SLC6A7: variants seen among roughly 807,000 people sequenced by gnomAD.
SLC6A7 encodes the protein sodium-dependent proline transporter.
In SLC6A7, 58 loss-of-function variants were observed where a neutral mutation model predicts 73.1. The ratio of observed to expected loss-of-function variants is 0.79; its 90% CI spans 0.64 to 0.99. The LOEUF (loss-of-function observed/expected upper bound fraction) is 0.99, where lower values mean the gene tolerates loss of function less well. Among genes scored for constraint, SLC6A7 ranks in the 50% least tolerant of loss-of-function variants. The pLI is 0.00. For missense variants in SLC6A7, 783 were observed against 831.4 expected (o/e 0.94, Z 0.72); for synonymous variants, 338 against 338.7 (o/e 1.00, Z 0.02).
At chr5:150,206,844 A>G (rs1753725541) in intron 13 of SLC6A7, among the ~76,000 whole-genome samples, 1 of 152,178 alleles carries the variant, frequency 6.6e-6, no homozygotes, top group Non-Finnish European at 1.5e-5. Context: ...ATGGTCCCCA[A>G]GCCTTGCTAA....
intron 5 of SLC6A7, 26 bp from the exon 6 acceptor site, chr5:150,201,063 T>C: frequency 6.2e-7 from 1 of 1,612,300 alleles, no homozygotes; most frequent in Non-Finnish European, 8.5e-7. Context: ...CCCGATGCCA[T>C]CAGCTCCTCA....
intron 9 of SLC6A7, 41 bp downstream of exon 9, chr5:150,203,820 G>GGT (rs35380195): frequency 0.21 from 163,815 of 792,818 alleles, 3,932 homozygotes; most frequent in Admixed American, 0.28. Context: ...GTGTGTGTGT[G>GGT]GTGTGTGTGT....
intron 4 of SLC6A7, among the ~76,000 whole-genome samples, chr5:150,198,059 GAA>G (rs1166884327): frequency 1.5e-5 from 1 of 67,152 alleles, no homozygotes; most frequent in Non-Finnish European, 3.0e-5. Flanking sequence ...GAGAAAGAAA[GAA>G]AGAAAGAAAG....
In SLC6A7 at chr5:150,204,819, CT is replaced by C. The variant is rs754030346; in HGVS notation, c.1433-7del. The C allele has an allele frequency of 1.2e-6, 2 of 1,601,568 alleles. No individual in the cohort carries two copies. Among genetic ancestry groups the C allele is most frequent in the East Asian group, 4.5e-5 (2 of 44,800 alleles). ...GTGGGGCCATTCCTCCTCCCCTCCC[CT>C]GTGCAGGCATTCAGAGGTTCTGCCG... On this transcript the variant is annotated splice_polypyrimidine_tract_variant and splice_region_variant and intron_variant, in intron 11 of 13. Coordinates refer to ENST00000230671, the MANE Select transcript of SLC6A7 (RefSeq NM_014228.5).
intron 13 of SLC6A7, among the ~76,000 whole-genome samples, chr5:150,207,245 GTT>G (rs1297717493): frequency 6.6e-6 from 1 of 152,024 alleles, no homozygotes; most frequent in Non-Finnish European, 1.5e-5. Context: ...CAATAGGCAG[GTT>G]TTTTTGTCTT....
In SLC6A7 at chr5:150,192,140, C is replaced by A. The variant is rs184127401; in HGVS notation, c.33+1780C>A. ...ATGCCAGATTTCCGCAAAGGAGCAG[C>A]ATTGCTCAGAGATGAACACTGGACT... On this transcript the variant is annotated intron_variant, in intron 1 of 13. Coordinates refer to ENST00000230671, the MANE Select transcript of SLC6A7 (RefSeq NM_014228.5). Among the ~76,000 whole-genome samples, 9 of 152,122 alleles carry A rather than the reference C, an allele frequency of 5.9e-5. No homozygotes were observed. In the East Asian group the frequency reaches 1.6e-3, roughly 26 times the overall value.
rs368636430 is a variant in SLC6A7, at chr5:150,199,952, T to C, written c.723+586T>C. Among the ~76,000 whole-genome samples the C allele has an allele frequency of 2.0e-5, 3 of 152,256 alleles. No individual in the cohort carries two copies. The East Asian group carries it at 5.8e-4, about 29-fold the overall frequency. On this transcript the variant is annotated intron_variant, in intron 5 of 13. Transcript: ENST00000230671. ...CCCCAGTTTGCAACTATTTTAGAAT[T>C]GAGTCTCATTGGATGAGCAGGGCTG...
chr5:150,197,862 A>G (rs888253776), intron 4 of SLC6A7, among the ~76,000 whole-genome samples: 6 of 152,136 alleles, frequency 3.9e-5, no homozygotes, highest in Non-Finnish European at 7.3e-5. Context: ...ATAATAGAGT[A>G]AGGGACTGTC....
chr5:150,205,758 G>T, intron 13 of SLC6A7, 135 bp downstream of exon 13: 1 of 763,848 alleles, frequency 1.3e-6, no homozygotes, highest in Non-Finnish European at 2.1e-6. Context: ...TGCCTGGGCT[G>T]AGGCAGATTC....
rs1562082506 is a variant in SLC6A7, at chr5:150,197,043, CG to C, written c.352del (p.Ala118ProfsTer18). ...VWKISPLFKG[A>X]GAAMLLIVGL... ...CCCAGCAGCCTCTCCCCACACCAGG[CG>C]CCGGCGCAGCCATGCTGCTCATCGT... On this transcript the variant is annotated frameshift_variant and splice_region_variant, in exon 4 of 14. Transcript: ENST00000230671. LOFTEE classifies it high-confidence loss of function. The C allele has an allele frequency of 6.2e-7, 1 of 1,613,110 alleles. No individual in the cohort carries two copies. The highest frequency in any genetic ancestry group is 8.5e-7 in the Non-Finnish European group (1 of 1,179,376).
Position 150,205,568 on chromosome 5 carries a change from T to C in SLC6A7, c.1646T>C (p.Met549Thr), listed in dbSNP as rs996945248. ...GILMGLLSCL[M>T]IPAGMLVAVL... ...CTGATGGGCCTGCTGTCCTGCCTCA[T>C]GATCCCAGCTGGCATGCTGGTGGCT... The change falls in exon 13 of 14, where the codon ATG becomes ACG. Residue 549 changes from methionine (M) to threonine (T), a missense_variant. By Grantham distance (81) the Met-to-Thr change is moderately conservative. Coordinates refer to ENST00000230671, the MANE Select transcript of SLC6A7 (RefSeq NM_014228.5). 1 of 1,613,652 alleles carries C rather than the reference T, an allele frequency of 6.2e-7. No individual in the cohort carries two copies. Among genetic ancestry groups the C allele is most frequent in the Non-Finnish European group, 8.5e-7 (1 of 1,179,838 alleles).
intron 10 of SLC6A7, 35 bp downstream of exon 10, chr5:150,204,073 G>A (rs773776265): frequency 2.1e-5 from 34 of 1,600,082 alleles, no homozygotes; most frequent in African/African-American, 1.1e-4. Flanking sequence ...GCAGGTGGGC[G>A]GGACAAGGGC....
intron 1 of SLC6A7, among the ~76,000 whole-genome samples, chr5:150,192,269 T>A (rs553597173): frequency 6.6e-6 from 1 of 152,240 alleles, no homozygotes; most frequent in Middle Eastern, 3.4e-3. Flanking sequence ...ATCTGCACAA[T>A]GATGAAGCTG....
intron 4 of SLC6A7, among the ~76,000 whole-genome samples, chr5:150,197,860 G>C: frequency 6.6e-6 from 1 of 152,082 alleles, no homozygotes; most frequent in East Asian, 1.9e-4. Flanking sequence ...CTATAATAGA[G>C]TAAGGGACTG....
At chr5:150,194,646 A>G (rs754305864) in intron 1 of SLC6A7, 82 bp from the exon 2 acceptor site, 13 of 1,012,044 alleles carry the variant, frequency 1.3e-5, no homozygotes, top group Non-Finnish European at 1.5e-5. Flanking sequence ...GCCCTGTTCA[A>G]TTCCAGAGTC....
intron 4 of SLC6A7, among the ~76,000 whole-genome samples, chr5:150,198,827 TGTGTGTGTGTG>T (rs1753215054): frequency 1.3e-5 from 2 of 149,550 alleles, no homozygotes; most frequent in Admixed American, 6.6e-5. Context: ...TGTGTGTGTG[TGTGTGTGTGTG>T]TGTGTGTGTG....
chr5:150,209,822 C>T lies in SLC6A7; in HGVS notation c.*207C>T, dbSNP rs1286108066. On this transcript the variant is annotated 3_prime_UTR_variant, in exon 14 of 14. Transcript: ENST00000230671. The stretch of plus-strand genomic sequence containing the variant: ...CCCCCTACACACACACACAGGCATA[C>T]TCAGACCCACTCAAAGCTGAGAATG... The T allele has an allele frequency of 2.7e-5, 16 of 591,382 alleles. No individual in the cohort carries two copies. Among genetic ancestry groups the T allele is most frequent in the Non-Finnish European group, 4.3e-5 (14 of 328,570 alleles). 36.6% of individuals were successfully genotyped at this position (591,382 alleles called of 1,614,324 possible).
intron 6 of SLC6A7, among the ~76,000 whole-genome samples, 199 bp from the exon 7 acceptor site, chr5:150,202,148 G>A (rs1276031294): frequency 6.6e-6 from 1 of 152,210 alleles, no homozygotes; most frequent in Non-Finnish European, 1.5e-5. Flanking sequence ...CAGAGGGGAA[G>A]GGACTTGCCC....
At chr5:150,208,874 C>G (rs889369196) in intron 13 of SLC6A7, among the ~76,000 whole-genome samples, 1 of 152,138 alleles carries the variant, frequency 6.6e-6, no homozygotes, top group African/African-American at 2.4e-5. Context: ...GGAGGCAGGT[C>G]GGGGCTGGAA....
Sources: gnomAD v4.1 joint callset for allele counts (sites outside exome capture counted in the v4.1 genomes callset) on GRCh38, gnomAD v4.1.1 for gene constraint, MANE v1.5 for transcripts, NCBI Gene and HGNC (gene_info 2026-07-23, HGNC 2026-07-21) for gene names.